Variants in TANC2 observed in about 807,000 individuals in gnomAD.
TANC2 encodes the protein tetratricopeptide repeat, ankyrin repeat and coiled-coil containing 2, also known as protein TANC2.
In TANC2, 26 loss-of-function variants were observed where a neutral mutation model predicts 210.5. That is an observed-to-expected ratio of 0.12 (90% CI 0.09 to 0.17). The LOEUF is 0.17. Ranked by LOEUF, TANC2 falls within the 10% of genes least tolerant of loss-of-function variation. TANC2 has a pLI of 1.00. For synonymous variants in TANC2, 931 were observed against 967.1 expected (o/e 0.96, Z 0.69); for missense variants, 2,129 against 2,608.9 (o/e 0.82, Z 4.01).
At chr17:63,338,406 T>G (rs2046110138) in intron 11 of TANC2, among the ~76,000 whole-genome samples, 1 of 152,232 alleles carries the variant, frequency 6.6e-6, no homozygotes, top group Non-Finnish European at 1.5e-5. Context: ...AAATGGTATC[T>G]TCTTACTTTA....
At chr17:63,311,946 G>A (rs2045139788) in intron 9 of TANC2, among the ~76,000 whole-genome samples, 1 of 152,174 alleles carries the variant, frequency 6.6e-6, no homozygotes, top group African/African-American at 2.4e-5. Flanking sequence ...AGTGAGGATT[G>A]GGAATGACAG....
At chr17:63,266,946 CTCAA>C (rs1343289551) in intron 8 of TANC2, among the ~76,000 whole-genome samples, 4 of 152,034 alleles carry the variant, frequency 2.6e-5, no homozygotes, top group East Asian at 3.9e-4. Context: ...ACCTCCCAGC[CTCAA>C]TCAATCCTCC....
chr17:63,087,888 T>G (rs888593692), intron 3 of TANC2, among the ~76,000 whole-genome samples: 5 of 152,196 alleles, frequency 3.3e-5, no homozygotes, highest in African/African-American at 9.6e-5. Context: ...GTTTACATTG[T>G]GACTTCCCTT....
intron 5 of TANC2, among the ~76,000 whole-genome samples, chr17:63,167,629 AAAAT>A (rs1277280168): frequency 1.3e-5 from 2 of 152,160 alleles, no homozygotes; most frequent in East Asian, 1.9e-4. Flanking sequence ...GGGTTTCCAA[AAAAT>A]AAATAAATAA....
chr17:63,319,227 C>A, intron 11 of TANC2, 137 bp downstream of exon 11: 1 of 911,112 alleles, frequency 1.1e-6, no homozygotes, highest in Non-Finnish European at 1.6e-6. Context: ...GTTTCTCTTT[C>A]TTTGATATTC....
chr17:63,399,082 A>G (rs887313434), intron 19 of TANC2, 168 bp downstream of exon 19: 9 of 445,200 alleles, frequency 2.0e-5, no homozygotes, highest in African/African-American at 1.0e-4. Context: ...TCCTCTTTCA[A>G]TCCTCTTTGC....
chr17:63,186,636 G>A (rs1415332553), intron 5 of TANC2, among the ~76,000 whole-genome samples: 3 of 152,050 alleles, frequency 2.0e-5, no homozygotes, highest in East Asian at 1.9e-4. Flanking sequence ...GATTACAGGC[G>A]TGAGCCACCG....
intron 14 of TANC2, among the ~76,000 whole-genome samples, chr17:63,377,633 A>T (rs373570739): frequency 6.6e-6 from 1 of 152,016 alleles, no homozygotes; most frequent in African/African-American, 2.4e-5. Context: ...ACTTTCCCAC[A>T]TTTTCCTGTC....
chr17:63,172,637 A>G (rs1230938479), intron 5 of TANC2, among the ~76,000 whole-genome samples: 2 of 152,234 alleles, frequency 1.3e-5, no homozygotes, highest in Admixed American at 6.5e-5. Context: ...TACTGTATCC[A>G]TAGTGATGTA....
chr17:63,136,779 C>T (rs1343385122), intron 4 of TANC2, among the ~76,000 whole-genome samples: 2 of 152,006 alleles, frequency 1.3e-5, no homozygotes, highest in Non-Finnish European at 1.5e-5. Context: ...AGAGAAAGGG[C>T]GTGGGTTGAG....
intron 10 of TANC2, among the ~76,000 whole-genome samples, 173 bp from the exon 11 acceptor site, chr17:63,318,784 C>T (rs2045397962): frequency 1.3e-5 from 2 of 152,246 alleles, no homozygotes; most frequent in Middle Eastern, 3.4e-3. Context: ...TATTATGAAT[C>T]GTTCTTCTGT....
intron 8 of TANC2, among the ~76,000 whole-genome samples, chr17:63,253,744 C>T (rs190447903): frequency 1.3e-5 from 2 of 152,178 alleles, no homozygotes; most frequent in East Asian, 1.9e-4. Flanking sequence ...CCTCAGACCT[C>T]GAGTAGCTGG....
At chr17:63,271,717 C>A (rs1315024289) in intron 9 of TANC2, among the ~76,000 whole-genome samples, 1 of 148,254 alleles carries the variant, frequency 6.7e-6, no homozygotes, top group Non-Finnish European at 1.5e-5. Flanking sequence ...TGTTTGTCTT[C>A]TTTTGAAAAG....
chr17:63,004,232 A>G (rs2033511378), intron 1 of TANC2, among the ~76,000 whole-genome samples: 1 of 152,218 alleles, frequency 6.6e-6, no homozygotes, highest in African/African-American at 2.4e-5. Context: ...GAGGGGCGCC[A>G]TCTCAGTGGC....
At chr17:63,308,410 G>A (rs992476192) in intron 9 of TANC2, among the ~76,000 whole-genome samples, 1 of 152,020 alleles carries the variant, frequency 6.6e-6, no homozygotes, top group Non-Finnish European at 1.5e-5. Context: ...AGTCTTCAGG[G>A]TATCTCCAGT....
intron 15 of TANC2, 111 bp from the exon 16 acceptor site, chr17:63,388,524 G>A: frequency 8.9e-7 from 1 of 1,128,088 alleles, no homozygotes; most frequent in Non-Finnish European, 1.2e-6. Context: ...TTGTTAGGGT[G>A]AGACTCCGCT....
chr17:63,023,212 C>T (rs1223548601), intron 2 of TANC2, among the ~76,000 whole-genome samples: 1 of 152,222 alleles, frequency 6.6e-6, no homozygotes, highest in Non-Finnish European at 1.5e-5. Context: ...CAACTCTATC[C>T]TGTGAGAACA....
At position 63,379,701 on chromosome 17, in the gene TANC2, T is replaced by G. The variant is rs1408100572; in HGVS notation, c.2583-17T>G. 6.4e-7 allele frequency: 1 copy of G among 1,551,894 alleles called. No individual in the cohort carries two copies. The highest frequency in any genetic ancestry group is 8.8e-7 in the Non-Finnish European group (1 of 1,142,448). ...AAATAAATTAATTAATTAAAATGAA[T>G]TTCTCTTTTTTTGCAGGAGTGGTCA... On this transcript the variant is annotated splice_polypyrimidine_tract_variant and intron_variant, in intron 14 of 27. Coordinates refer to ENST00000689528, the Ensembl canonical transcript of TANC2.
chr17:63,191,963 C>G (rs2041200684), intron 5 of TANC2, among the ~76,000 whole-genome samples: 2 of 152,140 alleles, frequency 1.3e-5, no homozygotes, highest in Admixed American at 1.3e-4. Context: ...CGTTGATAAT[C>G]TAAGACTTAA....
Sources: allele counts gnomAD v4.1 joint callset (sites outside exome capture counted in the v4.1 genomes callset), GRCh38; gene constraint gnomAD v4.1.1; transcripts MANE v1.5; gene names NCBI Gene and HGNC (gene_info 2026-07-23, HGNC 2026-07-21).